Variants in C1orf141 observed in about 807,000 individuals in gnomAD.
C1orf141 encodes the protein uncharacterized protein C1orf141.
In C1orf141, 19 loss-of-function variants were observed where a neutral mutation model predicts 23.2. The ratio of observed to expected loss-of-function variants is 0.82; its 90% CI spans 0.57 to 1.20. The LOEUF (loss-of-function observed/expected upper bound fraction) is 1.20, where lower values mean the gene tolerates loss of function less well. C1orf141 is among the 50% of genes most tolerant of loss of function. The pLI is 0.00. For missense variants in C1orf141, 469 were observed against 455.1 expected, an observed-to-expected ratio of 1.03 and a Z score of -0.28; for synonymous variants, 153 against 154.6, an observed-to-expected ratio of 0.99 and a Z score of 0.08.
In C1orf141 at chr1:67,092,907, C is replaced by A; in HGVS notation, c.*98G>T. On this transcript the variant is annotated 3_prime_UTR_variant, in exon 8 of 8. Coordinates refer to ENST00000684719, the MANE Select transcript of C1orf141 (RefSeq NM_001276351.2). ...TCTATGCTTTGCTTTCTTATATGAT[C>A]AATTAGAACATTACTATTTGGATAA... is the stretch of plus-strand genomic sequence containing the variant. 1.1e-6 allele frequency: 1 copy of A among 926,462 alleles called. No homozygotes were observed. Among genetic ancestry groups the A allele is most frequent in the Non-Finnish European group, 1.6e-6 (1 of 616,850 alleles). The allele number at this position is 926,462 out of a possible 1,614,324, so 57.4% of individuals were successfully genotyped here. A position where few individuals can be genotyped will look rare whatever the true frequency, so the allele number is the denominator to read the frequency against.
intron 5 of C1orf141, among the ~76,000 whole-genome samples, chr1:67,100,890 G>C (rs1645782341): frequency 1.3e-5 from 2 of 152,182 alleles, no homozygotes; most frequent in African/African-American, 4.8e-5. Flanking sequence ...TGGAGCCCTG[G>C]AAGATCGTGG....
chr1:67,120,086 C>G (rs1454429813), intron 4 of C1orf141, among the ~76,000 whole-genome samples: 1 of 152,200 alleles, frequency 6.6e-6, no homozygotes, highest in Non-Finnish European at 1.5e-5. Flanking sequence ...GAGCTTTGAA[C>G]CAAAGAGGAT....
upstream of C1orf141, among the ~76,000 whole-genome samples, chr1:67,138,036 C>G (rs929156759): frequency 9.9e-5 from 15 of 152,196 alleles, no homozygotes; most frequent in Admixed American, 9.2e-4. Context: ...AAAGCTGCCT[C>G]TTCTGAGGTT....
At chr1:67,137,362 T>C (rs1336380911), upstream of C1orf141, among the ~76,000 whole-genome samples, 2 of 152,212 alleles carry the variant, frequency 1.3e-5, no homozygotes, top group Admixed American at 6.5e-5. Context: ...CCTCTTCCTG[T>C]GGAGTCAGGA....
At chr1:67,134,368 A>C (rs1646561642) in intron 1 of C1orf141, among the ~76,000 whole-genome samples, 1 of 152,236 alleles carries the variant, frequency 6.6e-6, no homozygotes, top group Non-Finnish European at 1.5e-5. Flanking sequence ...TGGATTGTGG[A>C]GTATTATTGT....
chr1:67,113,539 A>G, intron 5 of C1orf141: 1 of 285,156 alleles, frequency 3.5e-6, no homozygotes, highest in Non-Finnish European at 6.6e-6. Flanking sequence ...CTAATTTTGT[A>G]TTTTTAGTAC....
intron 6 of C1orf141, chr1:67,095,801 AGTGTG>A: frequency 5.3e-6 from 1 of 189,976 alleles, no homozygotes; most frequent in East Asian, 1.5e-4. Flanking sequence ...AGGATAGAAT[AGTGTG>A]GTCAGGCAGA....
chr1:67,141,452 G>T (rs736197), intron 1 of C1orf141, among the ~76,000 whole-genome samples: 51,945 of 151,732 alleles, frequency 0.34, 9,103 homozygotes, highest in Admixed American at 0.47. Flanking sequence ...TTCTTTCCAC[G>T]GGGCACTCAA....
At chr1:67,102,319 TG>T (rs1645821029) in intron 5 of C1orf141, among the ~76,000 whole-genome samples, 1 of 150,746 alleles carries the variant, frequency 6.6e-6, no homozygotes, top group Admixed American at 6.6e-5. Flanking sequence ...TGTGTGTGTG[TG>T]TGTGTGTGTG....
intron 1 of C1orf141, among the ~76,000 whole-genome samples, chr1:67,132,943 T>C (rs1436342695): frequency 2.6e-5 from 4 of 152,208 alleles, no homozygotes; most frequent in African/African-American, 7.2e-5. Context: ...GCCATGCCAA[T>C]TGGGGCAGAA....
At chr1:67,128,663 A>G (rs1447041281) in intron 2 of C1orf141, among the ~76,000 whole-genome samples, 1 of 152,072 alleles carries the variant, frequency 6.6e-6, no homozygotes, top group Non-Finnish European at 1.5e-5. Flanking sequence ...ATGGCACGCC[A>G]CTGTGCTCCA....
chr1:67,096,540 C>T lies in C1orf141; in HGVS notation c.347-219G>A, dbSNP rs76066773. Among the ~76,000 whole-genome samples the T allele has an allele frequency of 2.7e-3, 413 of 152,250 alleles. 1 individual carries two copies. The highest frequency in any genetic ancestry group is 9.6e-3 in the African/African-American group (398 of 41,550). ...TAGTATTTGGCTAAAACAGATCAAA[C>T]ATAAAAGTGGTCTTGGAGATTTTTT... On this transcript the variant is annotated intron_variant, in intron 5 of 7. Coordinates refer to ENST00000684719, the MANE Select transcript of C1orf141 (RefSeq NM_001276351.2).
intron 3 of C1orf141, among the ~76,000 whole-genome samples, chr1:67,126,826 C>CA (rs1646424199): frequency 6.6e-6 from 1 of 152,224 alleles, no homozygotes; most frequent in Non-Finnish European, 1.5e-5. Context: ...ATCACACTCT[C>CA]ACGCATTTAC....
chr1:67,128,723 G>T (rs986217252), intron 2 of C1orf141, among the ~76,000 whole-genome samples: 2 of 151,958 alleles, frequency 1.3e-5, no homozygotes, highest in African/African-American at 4.8e-5. Context: ...AAAAAATTGT[G>T]TAGATGACCA....
upstream of C1orf141, among the ~76,000 whole-genome samples, chr1:67,138,621 T>TGA (rs1646605756): frequency 6.6e-6 from 1 of 152,192 alleles, no homozygotes; most frequent in Non-Finnish European, 1.5e-5. Context: ...AATATAGAAC[T>TGA]TCTACCATCT....
At chr1:67,134,555 G>A (rs1646564696) in intron 1 of C1orf141, among the ~76,000 whole-genome samples, 2 of 152,172 alleles carry the variant, frequency 1.3e-5, no homozygotes, top group Non-Finnish European at 2.9e-5. Flanking sequence ...CCGGCCCCGA[G>A]TCACCTTCCC....
chr1:67,130,763 T>G (rs1481193204), intron 2 of C1orf141, among the ~76,000 whole-genome samples: 1 of 152,238 alleles, frequency 6.6e-6, no homozygotes, highest in Non-Finnish European at 1.5e-5. Flanking sequence ...ATACTAAATT[T>G]GCCGGTTAAT....
At chr1:67,139,202 C>T (rs1646611820), upstream of C1orf141, 1 of 152,090 alleles carries the variant, frequency 6.6e-6, no homozygotes, top group Non-Finnish European at 1.5e-5. Context: ...ATTTATTTTT[C>T]TATAGAAGTA....
chr1:67,138,770 A>G (rs1404976833), upstream of C1orf141: 1 of 152,280 alleles, frequency 6.6e-6, no homozygotes, highest in East Asian at 1.9e-4. Flanking sequence ...GTGTCTTTTC[A>G]TGCTGTTCCC....
Sources: allele counts gnomAD v4.1 joint callset (sites outside exome capture counted in the v4.1 genomes callset), GRCh38; gene constraint gnomAD v4.1.1; transcripts MANE v1.5; gene names NCBI Gene and HGNC (gene_info 2026-07-23, HGNC 2026-07-21).